CCDC69: variants seen among roughly 807,000 people sequenced by gnomAD.
CCDC69 encodes coiled-coil domain containing 69.
CCDC69 carries 38 observed loss-of-function variants against 40.3 expected under a neutral mutation model. That is an observed-to-expected ratio of 0.94 (90% CI 0.73 to 1.24). CCDC69 has a LOEUF of 1.24. Among genes scored for constraint, CCDC69 ranks in the 50% most tolerant of loss-of-function variants. The pLI is 0.00. For missense variants in CCDC69, 389 were observed against 357.9 expected (o/e 1.09, Z -0.70); for synonymous variants, 141 against 138.9 (o/e 1.02, Z -0.11).
intron 1 of CCDC69, among the ~76,000 whole-genome samples, chr5:151,217,925 G>T (rs1753072769): frequency 6.6e-6 from 1 of 152,156 alleles, no homozygotes; most frequent in Admixed American, 6.5e-5. Context: ...AGGCACAGGG[G>T]CAGGGTCACA....
Position 151,199,102 on chromosome 5 carries a change from C to A in CCDC69, c.232-18G>T. ...TTCTCCACCTGGGGGCAGAGAGTCC[C>A]GGGCAGGACTGAGATTGAGCAGGAT... is the stretch of plus-strand genomic sequence containing the variant. On this transcript the variant is annotated intron_variant, in intron 3 of 8. Transcript: ENST00000355417. 1 of 1,600,760 alleles carries A rather than the reference C, an allele frequency of 6.2e-7. No homozygotes were observed. Among genetic ancestry groups the A allele is most frequent in the African/African-American group, 1.3e-5 (1 of 74,786 alleles).
At chr5:151,221,960 A>G (rs1474920253) in intron 1 of CCDC69, among the ~76,000 whole-genome samples, 1 of 152,270 alleles carries the variant, frequency 6.6e-6, no homozygotes, top group Non-Finnish European at 1.5e-5. Context: ...AAAACAGCCC[A>G]TAAATCTTGC....
Position 151,205,353 on chromosome 5 carries a change from G to T in CCDC69, c.124+47C>A, listed in dbSNP as rs767854362. 5.0e-6 allele frequency: 7 copies of T among 1,393,948 alleles called. No homozygotes were observed. In the Admixed American group the frequency reaches 1.2e-4, roughly 23 times the overall value. The allele number at this position is 1,393,948 out of a possible 1,614,324, so 86.3% of individuals were successfully genotyped here. ...ATCATCTGTGTTGATTATAAGGTAGGAACCTCACAGATGGCAGTTGGGGCC... is the reference window on the plus strand; with the variant it reads ...ATCATCTGTGTTGATTATAAGGTAGTAACCTCACAGATGGCAGTTGGGGCC... On this transcript the variant is annotated intron_variant, in intron 2 of 8. Transcript: ENST00000355417.
intron 4 of CCDC69, among the ~76,000 whole-genome samples, chr5:151,195,906 C>A (rs78022326): frequency 0.064 from 9,670 of 152,100 alleles, 443 homozygotes; most frequent in Middle Eastern, 0.12. Flanking sequence ...GACCTCTGTT[C>A]TAGTTATTCC....
Position 151,183,604 on chromosome 5 carries a change from C to T in CCDC69, c.724G>A (p.Glu242Lys). The change falls in exon 9 of 9, where the codon GAA (glutamate) becomes AAA (lysine). Residue 242 changes from glutamate to lysine, a missense_variant. By Grantham distance (56) the Glu-to-Lys change is moderately conservative (BLOSUM62 1). Transcript: ENST00000355417. ...NQVVLSRQLS[E>K]DLLLTREALE... ...GCCTCACGCGTGAGAAGCAGGTCTT[C>T]TGACAGCTGCCTGTGGATGCACACA... 6.2e-7 allele frequency: 1 copy of T among 1,609,130 alleles called. No individual in the cohort carries two copies. Among genetic ancestry groups the T allele is most frequent in the Non-Finnish European group, 8.5e-7 (1 of 1,177,632 alleles).
chr5:151,206,429 C>T (rs1752853838), intron 1 of CCDC69, among the ~76,000 whole-genome samples: 2 of 152,170 alleles, frequency 1.3e-5, no homozygotes, highest in Admixed American at 1.3e-4. Flanking sequence ...TCTAGTCCCT[C>T]TCCCCTCCCC....
intron 1 of CCDC69, among the ~76,000 whole-genome samples, chr5:151,220,036 G>GACTTAAAAA (rs1314104780): frequency 6.6e-6 from 1 of 152,012 alleles, no homozygotes; most frequent in Non-Finnish European, 1.5e-5. Flanking sequence ...TGCTTTCCAT[G>GACTTAAAAA]CCCCTTGACA....
intron 7 of CCDC69, chr5:151,184,855 T>G: frequency 6.2e-6 from 1 of 162,470 alleles, no homozygotes. Context: ...TGATTCCATG[T>G]CACGTGACTC....
At chr5:151,195,931 A>G (rs1470101873) in intron 4 of CCDC69, among the ~76,000 whole-genome samples, 3 of 152,200 alleles carry the variant, frequency 2.0e-5, no homozygotes, top group African/African-American at 4.8e-5. Context: ...GGGTAAATCT[A>G]AGGACATAAT....
chr5:151,197,782 A>C (rs186994255), intron 4 of CCDC69, among the ~76,000 whole-genome samples: 1 of 152,232 alleles, frequency 6.6e-6, no homozygotes, highest in Non-Finnish European at 1.5e-5. Context: ...TGATTATGTA[A>C]GTATCATTGC....
chr5:151,219,061 G>C (rs375368193), intron 1 of CCDC69, among the ~76,000 whole-genome samples: 2 of 152,200 alleles, frequency 1.3e-5, no homozygotes, highest in African/African-American at 4.8e-5. Context: ...GAAGATTGGT[G>C]GGCATTAGTT....
chr5:151,224,005 C>A lies in CCDC69; in HGVS notation c.-35G>T. The stretch of plus-strand genomic sequence containing the variant: ...GGGGCTCCCGGACGCCGCTTCCCAA[C>A]TCCGGGGCCCCCAGAGGAGCCTGCG... On this transcript the variant is annotated 5_prime_UTR_variant, in exon 1 of 9. Transcript: ENST00000355417. The A allele has an allele frequency of 6.5e-7, 1 of 1,540,402 alleles. No individual in the cohort carries two copies. The highest frequency in any genetic ancestry group is 1.2e-5 in the South Asian group (1 of 83,506).
chr5:151,203,234 G>T (rs1371746931), intron 2 of CCDC69, among the ~76,000 whole-genome samples: 2 of 151,954 alleles, frequency 1.3e-5, no homozygotes, highest in African/African-American at 2.4e-5. Context: ...TGTAGGCCAG[G>T]CGCGATGGCT....
chr5:151,189,446 G>A (rs1443804628), intron 4 of CCDC69, among the ~76,000 whole-genome samples: 1 of 151,474 alleles, frequency 6.6e-6, no homozygotes, highest in Non-Finnish European at 1.5e-5. Context: ...CTGGACAATA[G>A]AGGAGAAAAA....
Position 151,183,478 on chromosome 5 carries a change from C to T in CCDC69, c.850G>A (p.Ala284Thr). 1.2e-6 allele frequency: 2 copies of T among 1,606,472 alleles called. No homozygotes were observed. The highest frequency in any genetic ancestry group is 1.7e-4 in the Middle Eastern group (1 of 6,052). ...GAGACCTCAGTGGGAGTGACAGGGGCCAGAGGGAAGGCAGGCGAGGCATTG... is the reference window on the plus strand; with the variant it reads ...GAGACCTCAGTGGGAGTGACAGGGGTCAGAGGGAAGGCAGGCGAGGCATTG... ...GANASPAFPL[A>T]PVTPTEVSFL... The change falls in exon 9 of 9, where the codon GCC (alanine) becomes ACC (threonine). Residue 284 changes from alanine to threonine, a missense_variant. By Grantham distance (58) the Ala-to-Thr change is moderately conservative. Coordinates refer to ENST00000355417, the MANE Select transcript of CCDC69 (RefSeq NM_015621.3).
At chr5:151,211,994 A>AGT (rs144834299) in intron 1 of CCDC69, among the ~76,000 whole-genome samples, 30,171 of 118,542 alleles carry the variant, frequency 0.25, 3,582 homozygotes, top group Middle Eastern at 0.43. Flanking sequence ...CGGCACCTGC[A>AGT]GTGTGTGCGT....
chr5:151,188,473 T>C (rs531518), intron 4 of CCDC69, among the ~76,000 whole-genome samples: 97,735 of 151,104 alleles, frequency 0.65, 32,017 homozygotes, highest in Admixed American at 0.77. Context: ...GGCATGGTGG[T>C]GCAAGCCTGT....
rs779733995 is a variant in CCDC69, at chr5:151,183,158, G to C, written c.*279C>G. 1.5e-5 allele frequency: 9 copies of C among 591,514 alleles called. No individual in the cohort carries two copies. Among genetic ancestry groups the C allele is most frequent in the Non-Finnish European group, 2.2e-5 (7 of 314,860 alleles). The allele number at this position is 591,514 out of a possible 1,614,324, so 36.6% of individuals were successfully genotyped here. ...CCCTGGGAAAGCCTCGGAACTTCTC[G>C]GATTGGGACAGAGTGCTGGGGCAGG... On this transcript the variant is annotated 3_prime_UTR_variant, in exon 9 of 9. Coordinates refer to ENST00000355417, the MANE Select transcript of CCDC69 (RefSeq NM_015621.3).
chr5:151,202,046 T>C (rs755682877), intron 2 of CCDC69, among the ~76,000 whole-genome samples: 7 of 152,150 alleles, frequency 4.6e-5, no homozygotes, highest in Non-Finnish European at 1.0e-4. Flanking sequence ...CTCCCTGTTC[T>C]ACCCCATTTT....
Sources: gnomAD v4.1 joint callset for allele counts (sites outside exome capture counted in the v4.1 genomes callset) on GRCh38, gnomAD v4.1.1 for gene constraint, MANE v1.5 for transcripts, NCBI Gene and HGNC (gene_info 2026-07-23, HGNC 2026-07-21) for gene names.